The following KCNN2 variants were observed in gnomAD, a reference collection of about 807,000 sequenced individuals.
The protein encoded by KCNN2 is potassium calcium-activated channel subfamily N member 2.
In KCNN2, 24 loss-of-function variants were observed where a neutral mutation model predicts 55.5. The observed-to-expected ratio is 0.43, with a 90% confidence interval of 0.31 to 0.61. KCNN2 has a LOEUF of 0.61. KCNN2 is among the 20% of genes least tolerant of loss of function. The probability of loss-of-function intolerance (pLI) is 0.08; values close to 1 mark genes in which losing one functional copy is unlikely to be tolerated. For synonymous variants in KCNN2, 431 were observed against 336.1 expected, an observed-to-expected ratio of 1.28 and a Z score of -3.09; for missense variants, 754 against 853.6, an observed-to-expected ratio of 0.88 and a Z score of 1.45.
chr5:114,456,404 A>T (rs1435851135), intron 3 of KCNN2, among the ~76,000 whole-genome samples: 1 of 152,200 alleles, frequency 6.6e-6, no homozygotes, highest in Admixed American at 6.5e-5. Context: ...AAACAAACAA[A>T]AAAAGACTTC....
At chr5:114,296,899 C>T (rs1360113764) in intron 2 of KCNN2, among the ~76,000 whole-genome samples, 1 of 152,100 alleles carries the variant, frequency 6.6e-6, no homozygotes, top group African/African-American at 2.4e-5. Context: ...TTGAAAGAAA[C>T]AAAGCAAACA....
chr5:114,123,351 ATTTTTTTTTTT>A lies in KCNN2; in HGVS notation c.-271+66870_-271+66880del, dbSNP rs1172994171. ...ATACTGTAAGAGGTACATTTTCTTA[ATTTTTTTTTTT>A]TTTTTTTTTTTTTTTTTTGAGACAG... On this transcript the variant is annotated intron_variant, in intron 1 of 10. Coordinates refer to the KCNN2 transcript ENST00000512097. 1.9e-3 allele frequency among the ~76,000 whole-genome samples: 124 copies of A among 65,028 alleles called. 17 individuals are homozygous for A. Among genetic ancestry groups the A allele is most frequent in the African/African-American group, 8.1e-3 (107 of 13,134 alleles). 42.7% of individuals were successfully genotyped at this position (65,028 alleles called of 152,430 possible).
intron 2 of KCNN2, among the ~76,000 whole-genome samples, chr5:114,327,613 A>G (rs1350356366): frequency 1.3e-5 from 2 of 152,234 alleles, no homozygotes; most frequent in African/African-American, 2.4e-5. Flanking sequence ...ATTTAAATCC[A>G]TATCAAGCTA....
At chr5:114,436,082 G>A (rs1362040879) in intron 3 of KCNN2, among the ~76,000 whole-genome samples, 1 of 152,108 alleles carries the variant, frequency 6.6e-6, no homozygotes, top group Non-Finnish European at 1.5e-5. Context: ...TCACACCTCT[G>A]ACTGTAATGG....
chr5:114,210,965 G>A (rs987308780), intron 1 of KCNN2, among the ~76,000 whole-genome samples: 1 of 152,038 alleles, frequency 6.6e-6, no homozygotes, highest in Admixed American at 6.6e-5. Flanking sequence ...TATAAAAAAA[G>A]CTCAATATCA....
At chr5:114,418,986 T>A (rs1200932724) in intron 3 of KCNN2, among the ~76,000 whole-genome samples, 1 of 152,224 alleles carries the variant, frequency 6.6e-6, no homozygotes, top group Non-Finnish European at 1.5e-5. Context: ...TGTGCCTGAG[T>A]AGACTAAATT....
At chr5:114,196,187 A>C (rs553527700) in intron 1 of KCNN2, among the ~76,000 whole-genome samples, 10 of 151,660 alleles carry the variant, frequency 6.6e-5, no homozygotes, top group Non-Finnish European at 1.0e-4. Context: ...CAGATGTTAA[A>C]CCACTGTTGC....
chr5:114,061,011 C>T (rs1246770965), intron 1 of KCNN2, among the ~76,000 whole-genome samples: 4 of 152,194 alleles, frequency 2.6e-5, no homozygotes, highest in Non-Finnish European at 4.4e-5. Flanking sequence ...TTCCATTTCT[C>T]ACATTATGCT....
At chr5:114,063,259 G>C (rs2112513226) in intron 1 of KCNN2, among the ~76,000 whole-genome samples, 1 of 152,328 alleles carries the variant, frequency 6.6e-6, no homozygotes, top group Non-Finnish European at 1.5e-5. Flanking sequence ...TGTGTCTGCA[G>C]CTGAGGCTGC....
chr5:114,188,190 T>C (rs1176180697), intron 1 of KCNN2, among the ~76,000 whole-genome samples: 4 of 152,216 alleles, frequency 2.6e-5, no homozygotes, highest in Admixed American at 1.3e-4. Context: ...CTTCAGGAGA[T>C]AGCACTCCAA....
At chr5:114,346,963 C>G (rs13171568) in intron 2 of KCNN2, among the ~76,000 whole-genome samples, 2 of 151,908 alleles carry the variant, frequency 1.3e-5, no homozygotes, top group African/African-American at 4.8e-5. Context: ...AGGCTGGAAT[C>G]ATTTGAGAAC....
At chr5:114,407,798 G>T (rs1314603583) in intron 3 of KCNN2, among the ~76,000 whole-genome samples, 1 of 152,196 alleles carries the variant, frequency 6.6e-6, no homozygotes, top group Non-Finnish European at 1.5e-5. Context: ...CAGTTACTAT[G>T]CAAGCATTTG....
At chr5:114,276,658 A>ATTT (rs141201743) in intron 2 of KCNN2, among the ~76,000 whole-genome samples, 54,707 of 130,420 alleles carry the variant, frequency 0.42, 13,080 homozygotes, top group East Asian at 0.87. Context: ...CAACCCCTGC[A>ATTT]TTTTTTTTTT....
intron 1 of KCNN2, among the ~76,000 whole-genome samples, chr5:114,150,171 A>T (rs1023204931): frequency 6.6e-6 from 1 of 152,194 alleles, no homozygotes; most frequent in African/African-American, 2.4e-5. Context: ...TATTTACAAT[A>T]ATCAGGAACA....
chr5:114,244,321 A>T (rs1316747892), intron 2 of KCNN2, among the ~76,000 whole-genome samples: 1 of 119,436 alleles, frequency 8.4e-6, no homozygotes, highest in Non-Finnish European at 1.8e-5. Context: ...TTTAAAAAAA[A>T]AGAGGCTGGG....
chr5:114,238,174 T>TATATATCTAGCAATAA (rs1243469109), intron 2 of KCNN2, among the ~76,000 whole-genome samples: 1 of 152,228 alleles, frequency 6.6e-6, no homozygotes, highest in Non-Finnish European at 1.5e-5. Flanking sequence ...TATAGTTAAA[T>TATATATCTAGCAATAA]ACTAGAGACT....
chr5:114,257,442 G>T (rs1449221016), intron 2 of KCNN2, among the ~76,000 whole-genome samples: 1 of 151,822 alleles, frequency 6.6e-6, no homozygotes, highest in East Asian at 1.9e-4. Context: ...CATTGCTTTG[G>T]GCAGTATGGT....
intron 2 of KCNN2, among the ~76,000 whole-genome samples, chr5:114,384,839 G>T (rs1264805851): frequency 6.6e-6 from 1 of 152,118 alleles, no homozygotes; most frequent in Non-Finnish European, 1.5e-5. Context: ...GAGAGGGAAG[G>T]GAGTGGGAGC....
At chr5:114,182,039 TG>T (rs1561512457) in intron 1 of KCNN2, among the ~76,000 whole-genome samples, 7 of 152,194 alleles carry the variant, frequency 4.6e-5, no homozygotes, top group African/African-American at 1.7e-4. Context: ...TTTTTGTGTA[TG>T]TAAGGTGTGG....
Sources: gnomAD v4.1 joint callset for allele counts (sites outside exome capture counted in the v4.1 genomes callset) on GRCh38, gnomAD v4.1.1 for gene constraint, MANE v1.5 for transcripts, NCBI Gene and HGNC (gene_info 2026-07-23, HGNC 2026-07-21) for gene names.